The following CUX1 variants were observed in gnomAD, a reference collection of about 807,000 sequenced individuals.
CUX1 encodes the protein protein CASP.
A neutral mutation model predicts 158.8 loss-of-function variants in CUX1; 31 were observed. The observed-to-expected ratio is 0.20, with a 90% CI of 0.15 to 0.26. The LOEUF (loss-of-function observed/expected upper bound fraction) is 0.26. Among genes scored for constraint, CUX1 ranks in the 10% least tolerant of loss-of-function variants. The pLI, the probability that CUX1 is intolerant of heterozygous loss-of-function variation, is 1.00. For synonymous variants in CUX1, 879 were observed against 862.1 expected, an observed-to-expected ratio of 1.02 and a Z score of -0.34; for missense variants, 1,589 against 2,014.6, an observed-to-expected ratio of 0.79 and a Z score of 4.04.
intron 12 of CUX1, among the ~76,000 whole-genome samples, chr7:102,192,973 G>A (rs941111399): frequency 2.0e-5 from 3 of 152,238 alleles, no homozygotes; most frequent in Admixed American, 6.5e-5. Context: ...TGATCAGGGT[G>A]CGGCCCTTTT....
At chr7:101,903,461 C>T (rs887152747) in intron 1 of CUX1, among the ~76,000 whole-genome samples, 4 of 152,056 alleles carry the variant, frequency 2.6e-5, no homozygotes, top group South Asian at 2.1e-4. Flanking sequence ...GCCTGGCAGG[C>T]AGAATTATGT....
intron 2 of CUX1, among the ~76,000 whole-genome samples, chr7:101,974,453 A>G (rs1422917246): frequency 6.6e-6 from 1 of 152,256 alleles, no homozygotes; most frequent in Non-Finnish European, 1.5e-5. Flanking sequence ...AGGAGAAACT[A>G]GGAAACGAGA....
At chr7:101,907,199 A>G (rs1802854299) in intron 1 of CUX1, among the ~76,000 whole-genome samples, 1 of 152,200 alleles carries the variant, frequency 6.6e-6, no homozygotes, top group Admixed American at 6.5e-5. Flanking sequence ...TCTCCTTTAA[A>G]TGGAGTCCAT....
chr7:102,214,375 T>G (rs1796839529), intron 20 of CUX1, among the ~76,000 whole-genome samples: 1 of 151,908 alleles, frequency 6.6e-6, no homozygotes, highest in African/African-American at 2.4e-5. Flanking sequence ...AATTTAAAAT[T>G]TAGCCGAGCA....
chr7:101,950,587 A>G (rs1337282478), intron 2 of CUX1, among the ~76,000 whole-genome samples: 1 of 152,196 alleles, frequency 6.6e-6, no homozygotes, highest in South Asian at 2.1e-4. Flanking sequence ...ATAAAGTTTT[A>G]TTGGCACTCA....
At chr7:102,278,659 A>AAAAT (rs1791801475) in intron 18 of CUX1, among the ~76,000 whole-genome samples, 1,391 of 96,226 alleles carry the variant, frequency 0.014, 19 homozygotes, top group African/African-American at 0.04. Context: ...TAAAATAAAA[A>AAAAT]AATAAAATAA....
intron 2 of CUX1, among the ~76,000 whole-genome samples, chr7:101,987,324 A>G (rs2129232021): frequency 6.6e-6 from 1 of 152,290 alleles, no homozygotes; most frequent in African/African-American, 2.4e-5. Context: ...GCTACGGGAA[A>G]GGGGTGCATA....
chr7:102,205,032 C>T, intron 19 of CUX1, 82 bp from the exon 20 acceptor site: 4 of 1,012,374 alleles, frequency 4.0e-6, no homozygotes, highest in African/African-American at 1.6e-5. Context: ...GGAAGCCTCC[C>T]CGGGCCTTGC....
At chr7:102,134,267 G>T (rs1231785710) in intron 8 of CUX1, among the ~76,000 whole-genome samples, 1 of 152,152 alleles carries the variant, frequency 6.6e-6, no homozygotes, top group Non-Finnish European at 1.5e-5. Context: ...AACCCGGGAG[G>T]TGGAGGTTGC....
rs782407264 is a variant in CUX1 at position 102,201,570 on chromosome 7, C to T, written c.2273C>T (p.Pro758Leu). 6 of 1,614,178 alleles carry T rather than the reference C, an allele frequency of 3.7e-6. 1 individual carries two copies. The highest frequency in any genetic ancestry group is 2.2e-5 in the East Asian group (1 of 44,872). Residue 758 changes from proline to leucine, a missense_variant, in exon 18 of 24, where the codon CCA becomes CTA. Physicochemically the swap from Pro to Leu is moderately conservative, Grantham distance 98. Coordinates refer to ENST00000292535, the MANE Select transcript of CUX1 (RefSeq NM_181552.4). The surrounding 1 kb of genome is among the most constrained non-coding windows in gnomAD (Gnocchi z 5.0). ...TSPMPTVSSY[P>L]PLAISLKKPS... ...CCCATGCCCACCGTGTCCAGCTACC[C>T]ACCTCTCGCCATCTCCCTGAAGAAG...
chr7:102,060,432 C>T (rs17495210), intron 3 of CUX1, among the ~76,000 whole-genome samples: 22,070 of 151,698 alleles, frequency 0.15, 1,672 homozygotes, highest in Middle Eastern at 0.22. Flanking sequence ...GCTGTTGACC[C>T]GGTTTCTATC....
At chr7:102,206,085 C>T (rs185126664) in intron 20 of CUX1, among the ~76,000 whole-genome samples, 17 of 152,308 alleles carry the variant, frequency 1.1e-4, no homozygotes, top group East Asian at 7.7e-4. Context: ...GCCAGCTTGC[C>T]GCAAGCTCCA....
Position 102,249,446 on chromosome 7 carries a change from C to CGGAAATGTGTGG in CUX1, c.*405_*416dup, listed in dbSNP as rs748448045. 1.8e-3 allele frequency: 1,793 copies of CGGAAATGTGTGG among 986,200 alleles called. 4 individuals are homozygous for CGGAAATGTGTGG. The highest frequency in any genetic ancestry group is 1.9e-3 in the Non-Finnish European group (1,578 of 830,260). 61.1% of individuals were successfully genotyped at this position (986,200 alleles called of 1,614,324 possible). Reference sequence around the variant, plus strand: ...TATGTCGTGTTTTCAAGGAAGAAAACGGAAATGTGTGGTCGAGCTTTTTTG... The same window carrying CGGAAATGTGTGG: ...TATGTCGTGTTTTCAAGGAAGAAAACGGAAATGTGTGGGGAAATGTGTGGTCGAGCTTTTTTG... On this transcript the variant is annotated 3_prime_UTR_variant, in exon 24 of 24. Coordinates refer to ENST00000292535, the MANE Select transcript of CUX1 (RefSeq NM_181552.4).
rs1254404726 is a variant in CUX1, at chr7:101,916,099, C to A, written c.31-16C>A. 6.3e-7 allele frequency: 1 copy of A among 1,584,282 alleles called. No individual in the cohort carries two copies. ...GCAATTACAATCTCACTTTTCCTTTCCTGTTTCCCCAACAGAGAGAACTCG... is the reference window on the plus strand; with the variant it reads ...GCAATTACAATCTCACTTTTCCTTTACTGTTTCCCCAACAGAGAGAACTCG... On this transcript the variant is annotated splice_polypyrimidine_tract_variant and intron_variant, in intron 1 of 23. Transcript: ENST00000292535. The surrounding 1 kb of genome is among the most constrained non-coding windows in gnomAD (Gnocchi z 4.4).
chr7:102,237,697 C>T (rs1254150735), intron 22 of CUX1, among the ~76,000 whole-genome samples: 7 of 152,086 alleles, frequency 4.6e-5, no homozygotes, highest in African/African-American at 9.7e-5. Flanking sequence ...TGTGTGGAGA[C>T]GAGAGAGTAT....
At chr7:101,898,994 G>A (rs1030266695) in intron 1 of CUX1, among the ~76,000 whole-genome samples, 5 of 152,214 alleles carry the variant, frequency 3.3e-5, no homozygotes, top group East Asian at 3.9e-4. Flanking sequence ...GTCCACTGGC[G>A]GCTATTTGTG....
chr7:102,212,923 G>A (rs1298984684), intron 20 of CUX1, among the ~76,000 whole-genome samples: 3 of 152,186 alleles, frequency 2.0e-5, no homozygotes, highest in Non-Finnish European at 4.4e-5. Context: ...TCGGCTCACT[G>A]CAGCCTCCGC....
chr7:102,281,011 C>A, intron 20 of CUX1: 1 of 683,192 alleles, frequency 1.5e-6, no homozygotes. Flanking sequence ...CTCCCCTTCC[C>A]GGGCAGATCC....
At chr7:101,908,424 G>A (rs7796917) in intron 1 of CUX1, among the ~76,000 whole-genome samples, 14,140 of 152,156 alleles carry the variant, frequency 0.093, 777 homozygotes, top group Non-Finnish European at 0.13. Context: ...GGGATTACGG[G>A]CGTGAACCAC....
Sources: gnomAD v4.1 joint callset for allele counts (sites outside exome capture counted in the v4.1 genomes callset) on GRCh38, gnomAD v4.1.1 for gene constraint, Gnocchi (gnomAD v3.1) non-coding constraint, MANE v1.5 for transcripts, NCBI Gene and HGNC (gene_info 2026-07-23, HGNC 2026-07-21) for gene names.